Variants in CDH18 observed in about 807,000 individuals in gnomAD.
The protein encoded by CDH18 is cadherin-18.
A neutral mutation model predicts 67.9 loss-of-function variants in CDH18; 31 were observed. That is an observed-to-expected ratio of 0.46 (90% confidence interval 0.34 to 0.62). CDH18 has a LOEUF of 0.62. Ranked by LOEUF, CDH18 falls within the 20% of genes least tolerant of loss-of-function variation. The pLI is 0.01. For synonymous variants in CDH18, 362 were observed against 347.2 expected, an observed-to-expected ratio of 1.04 and a Z score of -0.48; for missense variants, 890 against 975.5, an observed-to-expected ratio of 0.91 and a Z score of 1.17.
chr5:19,510,199 A>G (rs1009539971), intron 10 of CDH18, among the ~76,000 whole-genome samples: 2 of 152,180 alleles, frequency 1.3e-5, no homozygotes, highest in African/African-American at 4.8e-5. Context: ...CCAACTCTGC[A>G]TCAGGATGCA....
intron 2 of CDH18, among the ~76,000 whole-genome samples, chr5:20,088,490 C>T (rs938950879): frequency 3.3e-5 from 5 of 152,106 alleles, no homozygotes; most frequent in African/African-American, 4.8e-5. Flanking sequence ...TTTCTTTTCT[C>T]CTGGATGACT....
chr5:19,780,312 G>A (rs762560369), intron 3 of CDH18, among the ~76,000 whole-genome samples: 1 of 151,992 alleles, frequency 6.6e-6, no homozygotes, highest in Non-Finnish European at 1.5e-5. Flanking sequence ...TTTCCTTGTC[G>A]ATAAGAGACA....
intron 1 of CDH18, chr5:20,304,519 T>G: frequency 6.2e-7 from 1 of 1,607,550 alleles, no homozygotes; most frequent in Admixed American, 1.7e-5. Context: ...AAGAGACTGG[T>G]TTACTCTGGT....
At chr5:19,664,473 A>T (rs1938289463) in intron 5 of CDH18, among the ~76,000 whole-genome samples, 1 of 152,078 alleles carries the variant, frequency 6.6e-6, no homozygotes, top group South Asian at 2.1e-4. Context: ...TCAAAATTCA[A>T]TCTCAGTAAA....
chr5:20,320,829 C>A (rs533273997), intron 1 of CDH18, among the ~76,000 whole-genome samples: 1 of 152,148 alleles, frequency 6.6e-6, no homozygotes, highest in Non-Finnish European at 1.5e-5. Context: ...AGAACAACCA[C>A]GGCCACCCTT....
intron 2 of CDH18, among the ~76,000 whole-genome samples, chr5:20,095,825 A>G (rs1268869634): frequency 6.6e-6 from 1 of 151,972 alleles, no homozygotes; most frequent in African/African-American, 2.4e-5. Flanking sequence ...AGAAAACAGA[A>G]ATCTATACAA....
chr5:19,541,945 T>C lies in CDH18; in HGVS notation c.1390+1924A>G, dbSNP rs147959089. Among the ~76,000 whole-genome samples, 356 of 152,322 alleles carry C rather than the reference T, an allele frequency of 2.3e-3. 2 individuals carry two copies. Among genetic ancestry groups the C allele is most frequent in the African/African-American group, 8.2e-3 (339 of 41,584 alleles). ...AACCGCCATTTAATTTGTTCTTACA[T>C]TACTAAGGATTCACAATTGCTAACG... On this transcript the variant is annotated intron_variant, in intron 9 of 12. Transcript: ENST00000382275.
intron 12 of CDH18, among the ~76,000 whole-genome samples, chr5:19,478,952 C>T (rs899870612): frequency 6.6e-6 from 1 of 152,140 alleles, no homozygotes; most frequent in Admixed American, 6.6e-5. Context: ...TAACTCAGCT[C>T]ATAATGTTTA....
At chr5:20,129,864 T>G (rs1031991690) in intron 2 of CDH18, among the ~76,000 whole-genome samples, 1 of 151,980 alleles carries the variant, frequency 6.6e-6, no homozygotes, top group Admixed American at 6.6e-5. Flanking sequence ...GATAATAGGT[T>G]ACAGAATGGG....
chr5:19,941,858 T>G (rs1579712403), intron 2 of CDH18, among the ~76,000 whole-genome samples: 1 of 152,158 alleles, frequency 6.6e-6, no homozygotes, highest in African/African-American at 2.4e-5. Context: ...AAAATGTGAT[T>G]CATTGACAGA....
Position 19,865,982 on chromosome 5 carries a change from C to T in CDH18, c.-256-26740G>A, listed in dbSNP as rs572063186. On this transcript the variant is annotated intron_variant, in intron 2 of 12. Transcript: ENST00000382275. ...TTCCCACCAGTATCTAACACGATGC[C>T]TCCACTTATATTCTCCTCCTATCCT... Among the ~76,000 whole-genome samples the T allele has an allele frequency of 4.7e-4, 71 of 152,258 alleles. No homozygotes were observed. In the South Asian group the frequency reaches 0.011, roughly 24 times the overall value.
chr5:20,434,015 A>AGAATTT (rs993050665), intron 1 of CDH18, among the ~76,000 whole-genome samples: 17 of 152,230 alleles, frequency 1.1e-4, no homozygotes, highest in Admixed American at 4.6e-4. Context: ...CATTTGTATG[A>AGAATTT]GAATTTAAGC....
At chr5:20,313,880 AATCTTATG>A (rs1195978014) in intron 1 of CDH18, among the ~76,000 whole-genome samples, 1 of 152,062 alleles carries the variant, frequency 6.6e-6, no homozygotes, top group Non-Finnish European at 1.5e-5. Context: ...TTCCTTGGGT[AATCTTATG>A]TACTCAAAGA....
At chr5:19,499,949 A>G (rs1033827248) in intron 11 of CDH18, among the ~76,000 whole-genome samples, 1 of 152,114 alleles carries the variant, frequency 6.6e-6, no homozygotes, top group Non-Finnish European at 1.5e-5. Context: ...CTCAATACAG[A>G]CTTTCATGTG....
chr5:20,209,714 T>C (rs1432020033), intron 2 of CDH18, among the ~76,000 whole-genome samples: 2 of 151,974 alleles, frequency 1.3e-5, no homozygotes, highest in South Asian at 2.1e-4. Flanking sequence ...AAATATACAA[T>C]AGTCTATTGT....
At chr5:20,101,550 C>T (rs1338676777) in intron 2 of CDH18, among the ~76,000 whole-genome samples, 3 of 152,104 alleles carry the variant, frequency 2.0e-5, no homozygotes, top group African/African-American at 7.2e-5. Context: ...GGTAGGATCC[C>T]TAAGGCATCA....
intron 1 of CDH18, among the ~76,000 whole-genome samples, chr5:20,427,998 T>C (rs1748437427): frequency 6.6e-6 from 1 of 150,970 alleles, no homozygotes; most frequent in Non-Finnish European, 1.5e-5. Flanking sequence ...TACATAGGTA[T>C]ACAAGTGCCA....
At chr5:19,698,413 C>T (rs1339828914) in intron 5 of CDH18, among the ~76,000 whole-genome samples, 1 of 151,976 alleles carries the variant, frequency 6.6e-6, no homozygotes, top group Non-Finnish European at 1.5e-5. Context: ...ATCCAAGCAT[C>T]AGGAGAGAGG....
At chr5:20,078,559 A>G (rs1348898117) in intron 2 of CDH18, among the ~76,000 whole-genome samples, 2 of 151,900 alleles carry the variant, frequency 1.3e-5, no homozygotes, top group African/African-American at 4.8e-5. Context: ...CCAATAGATT[A>G]GAGAAAACTT....
Sources: gnomAD v4.1 joint callset for allele counts (sites outside exome capture counted in the v4.1 genomes callset) on GRCh38, gnomAD v4.1.1 for gene constraint, MANE v1.5 for transcripts, NCBI Gene and HGNC (gene_info 2026-07-23, HGNC 2026-07-21) for gene names.